KRT8: variants seen among roughly 807,000 people sequenced by gnomAD.
The protein encoded by KRT8 is keratin, type II cytoskeletal 8.
KRT8 carries 24 observed loss-of-function variants against 43.0 expected under a neutral mutation model. The ratio of observed to expected loss-of-function variants is 0.56; its 90% CI spans 0.40 to 0.78. KRT8 has a LOEUF of 0.78. Ranked by LOEUF, KRT8 falls within the 30% of genes least tolerant of loss-of-function variation. The probability of loss-of-function intolerance (pLI) is 0.00; values close to 1 mark genes in which losing one functional copy is unlikely to be tolerated. For missense variants in KRT8, 492 were observed against 638.4 expected (o/e 0.77, Z 2.47); for synonymous variants, 214 against 261.2 (o/e 0.82, Z 1.74).
chr12:52,939,633 A>C (rs1248462411), intron 2 of KRT8, among the ~76,000 whole-genome samples: 1 of 152,114 alleles, frequency 6.6e-6, no homozygotes, highest in Non-Finnish European at 1.5e-5. Context: ...GAAGTATGAG[A>C]ATCACTTGAA....
At chr12:52,932,753 A>G (rs958968791) in intron 2 of KRT8, among the ~76,000 whole-genome samples, 1 of 152,000 alleles carries the variant, frequency 6.6e-6, no homozygotes, top group African/African-American at 2.4e-5. Context: ...TCAGTGAGCT[A>G]TGATCACCAA....
intron 2 of KRT8, among the ~76,000 whole-genome samples, chr12:52,941,153 G>A (rs543303865): frequency 1.1e-4 from 16 of 146,674 alleles, no homozygotes; most frequent in South Asian, 4.4e-4. Context: ...CACAACCTCC[G>A]CCTCCTGGGT....
At chr12:52,941,411 C>G (rs191814352) in intron 2 of KRT8, among the ~76,000 whole-genome samples, 2 of 151,084 alleles carry the variant, frequency 1.3e-5, no homozygotes, top group Admixed American at 1.3e-4. Context: ...TAAAAAGCCA[C>G]GGTGCCAAGT....
chr12:52,904,957 A>C lies in KRT8; in HGVS notation c.25T>G (p.Ser9Ala), dbSNP rs549320537. 3.0e-4 allele frequency: 482 copies of C among 1,611,148 alleles called. 1 individual carries two copies. Among genetic ancestry groups the C allele is most frequent in the Admixed American group, 4.7e-4 (28 of 59,900 alleles). Residue 9 changes from serine (S) to alanine (A), a missense_variant, in exon 1 of 8, where the codon TCC becomes GCC. Physicochemically the swap from Ser to Ala is moderately conservative, Grantham distance 99 (BLOSUM62 1). Coordinates refer to ENST00000692008, the Ensembl canonical transcript of KRT8. ...GGGCCAGAGGTGGACACCTTGTAGG[A>C]CTTCTGGGTCACCCTGATGGACATG...
rs749359838 is a variant in KRT8, at chr12:52,905,054, T to C, written c.-73A>G. The stretch of plus-strand genomic sequence containing the variant: ...TAGAAGGAGCGGAGAAGCTGCTTCT[T>C]GGTGAGGAGAGCTCTCAGGAATGGC... On this transcript the variant is annotated 5_prime_UTR_variant, in exon 1 of 8. Coordinates refer to ENST00000692008, the Ensembl canonical transcript of KRT8. 6.5e-6 allele frequency: 10 copies of C among 1,536,546 alleles called. No homozygotes were observed. In the Admixed American group the frequency reaches 1.8e-4, roughly 27 times the overall value.
At chr12:52,906,276 T>C (rs1284569152), upstream of KRT8, among the ~76,000 whole-genome samples, 6 of 152,158 alleles carry the variant, frequency 3.9e-5, no homozygotes, top group African/African-American at 1.2e-4. Context: ...ATGGGAGCTA[T>C]GTCAGGGACT....
At chr12:52,944,122 C>T (rs979357535) in intron 2 of KRT8, among the ~76,000 whole-genome samples, 3 of 152,092 alleles carry the variant, frequency 2.0e-5, no homozygotes, top group South Asian at 2.1e-4. Context: ...CTTCCAGGCA[C>T]GTCATCTCAT....
chr12:52,930,306 C>A (rs1479650474), intron 2 of KRT8, among the ~76,000 whole-genome samples: 4 of 152,002 alleles, frequency 2.6e-5, no homozygotes, highest in Non-Finnish European at 5.9e-5. Context: ...CAACCTCTGC[C>A]TCCCAGGTTC....
At chr12:52,908,145 G>A (rs1941561357), upstream of KRT8, among the ~76,000 whole-genome samples, 1 of 152,198 alleles carries the variant, frequency 6.6e-6, no homozygotes, top group Admixed American at 6.5e-5. Context: ...CTGAGCAGTG[G>A]CATTAAGTCT....
exon 6 of KRT8, chr12:52,898,861 C>T: frequency 6.2e-7 from 1 of 1,613,434 alleles, no homozygotes; most frequent in Non-Finnish European, 8.5e-7. Flanking sequence ...GCTCTCCACG[C>T]TGCTCGGCAT....
At chr12:52,922,756 C>T (rs1001078848) in intron 2 of KRT8, among the ~76,000 whole-genome samples, 2 of 152,156 alleles carry the variant, frequency 1.3e-5, no homozygotes, top group Admixed American at 1.3e-4. Flanking sequence ...AGAAACTTTC[C>T]ATCTACTTCC....
chr12:52,938,409 C>T (rs1015479075), intron 2 of KRT8, among the ~76,000 whole-genome samples: 10 of 151,538 alleles, frequency 6.6e-5, no homozygotes, highest in Non-Finnish European at 1.2e-4. Flanking sequence ...TCAAGTGATC[C>T]GTTTGCCTCG....
At chr12:52,930,562 C>CT (rs1942066921) in intron 2 of KRT8, among the ~76,000 whole-genome samples, 1 of 151,368 alleles carries the variant, frequency 6.6e-6, no homozygotes, top group African/African-American at 2.4e-5. Context: ...TGTTGTTGTT[C>CT]TTTTTTTCCT....
chr12:52,904,578 G>A, intron 1 of KRT8, 80 bp downstream of exon 1: 9 of 1,338,158 alleles, frequency 6.7e-6, no homozygotes, highest in East Asian at 2.3e-5. Flanking sequence ...CCAGCTGGGG[G>A]CTGGAGATGT....
Position 52,898,669 on chromosome 12 carries a change from C to T in KRT8, c.1202+10G>A. On this transcript the variant is annotated intron_variant, in intron 6 of 7. Coordinates refer to ENST00000692008, the Ensembl canonical transcript of KRT8. The stretch of plus-strand genomic sequence containing the variant: ...GGGAAGCAGGTCCGGTCAGAGGTAC[C>T]CACACCCACCGGCTCTCCTCGCCCT... 6.2e-7 allele frequency: 1 copy of T among 1,614,190 alleles called. No individual in the cohort carries two copies. The highest frequency in any genetic ancestry group is 8.5e-7 in the Non-Finnish European group (1 of 1,180,034).
rs557324427 is a variant in KRT8, at chr12:52,925,473, T to G, written c.-46-20446A>C. On this transcript the variant is annotated intron_variant, in intron 2 of 6. Transcript: ENST00000546826. Reference sequence around the variant, plus strand: ...GAAATGGTCACCATTTTCAGAAACCTGCTCAACACCTCTTCCCCTGCAGGT... The same window carrying G: ...GAAATGGTCACCATTTTCAGAAACCGGCTCAACACCTCTTCCCCTGCAGGT... Among the ~76,000 whole-genome samples the G allele has an allele frequency of 3.3e-5, 5 of 152,276 alleles. No individual in the cohort carries two copies. The East Asian group carries it at 7.7e-4, about 24-fold the overall frequency.
At chr12:52,949,841 A>T in exon 1 of KRT8, 1 of 702,388 alleles carries the variant, frequency 1.4e-6, no homozygotes, top group Non-Finnish European at 2.6e-6. Context: ...AGTGGACAGC[A>T]TGGAGGGAGG....
chr12:52,922,644 G>C (rs1242696942), intron 2 of KRT8, among the ~76,000 whole-genome samples: 1 of 152,206 alleles, frequency 6.6e-6, no homozygotes, highest in Non-Finnish European at 1.5e-5. Flanking sequence ...CTGCACTCCA[G>C]CCTTGGCGAC....
intron 2 of KRT8, among the ~76,000 whole-genome samples, chr12:52,915,441 C>G (rs895928977): frequency 3.3e-5 from 5 of 151,732 alleles, no homozygotes; most frequent in Admixed American, 6.6e-5. Flanking sequence ...GGAACCATGC[C>G]TCACGCCTGT....
Sources: gnomAD v4.1 joint callset for allele counts (sites outside exome capture counted in the v4.1 genomes callset) on GRCh38, gnomAD v4.1.1 for gene constraint, MANE v1.5 for transcripts, NCBI Gene and HGNC (gene_info 2026-07-23, HGNC 2026-07-21) for gene names.